GANC: variants seen among roughly 807,000 people sequenced by gnomAD.
GANC encodes the protein glucosidase alpha, neutral C.
A neutral mutation model predicts 124.2 loss-of-function variants in GANC; 117 were observed. The observed-to-expected ratio is 0.94, with a 90% CI of 0.81 to 1.10. The LOEUF is 1.10. Ranked by LOEUF, GANC falls within the 50% of genes least tolerant of loss-of-function variation. GANC has a pLI of 0.00. For missense variants in GANC, 1,140 were observed against 1,095.0 expected, an observed-to-expected ratio of 1.04 and a Z score of -0.58; for synonymous variants, 377 against 376.8, an observed-to-expected ratio of 1.00 and a Z score of -0.01.
intron 10 of GANC, among the ~76,000 whole-genome samples, chr15:42,321,560 A>G (rs189221882): frequency 6.6e-6 from 1 of 152,198 alleles, no homozygotes; most frequent in Non-Finnish European, 1.5e-5. Context: ...CACTAAACTG[A>G]TGCTTAACCT....
chr15:42,276,167 A>AT (rs2051669011), intron 1 of GANC, 181 bp from the exon 2 acceptor site: 3 of 458,188 alleles, frequency 6.5e-6, no homozygotes, highest in Non-Finnish European at 1.2e-5. Context: ...GGTTTACAAA[A>AT]GGCTATTGTT....
rs373506149 is a variant in GANC at position 42,330,646 on chromosome 15, C to G, written c.1715C>G (p.Ser572Cys). 1.3e-4 allele frequency: 206 copies of G among 1,607,984 alleles called. No individual in the cohort carries two copies. Among genetic ancestry groups the G allele is most frequent in the Non-Finnish European group, 1.7e-4 (200 of 1,178,444 alleles). Residue 572 changes from serine to cysteine, a missense_variant, in exon 15 of 24, where the codon TCT becomes TGT. Ser to Cys is a moderately radical substitution (Grantham distance 112). Coordinates refer to ENST00000318010, the MANE Select transcript of GANC (RefSeq NM_198141.3). ...GKERPFVLTRSFFAGSQKYGA... is the reference protein window; with the variant it reads ...GKERPFVLTRCFFAGSQKYGA... ...GAGAGACCCTTTGTTCTTACACGTT[C>G]TTTCTTTGCTGGATCACAAAAGTAT... is the stretch of plus-strand genomic sequence containing the variant.
At chr15:42,303,144 A>T (rs2051962263) in intron 6 of GANC, among the ~76,000 whole-genome samples, 2 of 152,262 alleles carry the variant, frequency 1.3e-5, no homozygotes, top group Non-Finnish European at 2.9e-5. Flanking sequence ...CCATCAGACT[A>T]ACACCGGATC....
chr15:42,305,187 G>A (rs1318606198), intron 6 of GANC, among the ~76,000 whole-genome samples: 7 of 152,068 alleles, frequency 4.6e-5, no homozygotes, highest in Non-Finnish European at 1.0e-4. Flanking sequence ...TACAGAATGG[G>A]AGAAAATTTT....
chr15:42,339,564 G>A, intron 16 of GANC, 105 bp from the exon 17 acceptor site: 1 of 1,320,794 alleles, frequency 7.6e-7, no homozygotes, highest in East Asian at 2.3e-5. Flanking sequence ...CATTTGAAGT[G>A]CATATACTGC....
rs372434267 is a variant in GANC, at chr15:42,349,374, A to C, written c.2419-9A>C. Reference sequence around the variant, plus strand: ...TAAGCACATTCTGTCTCTGTGATTCATTCTCCAGGGTTCTTCAGTGGGTGA... The same window carrying C: ...TAAGCACATTCTGTCTCTGTGATTCCTTCTCCAGGGTTCTTCAGTGGGTGA... On this transcript the variant is annotated splice_polypyrimidine_tract_variant and intron_variant, in intron 21 of 23. Coordinates refer to ENST00000318010, the MANE Select transcript of GANC (RefSeq NM_198141.3). 1.3e-6 allele frequency: 2 copies of C among 1,523,580 alleles called. No homozygotes were observed. The highest frequency in any genetic ancestry group is 2.7e-5 in the African/African-American group (2 of 73,034). 94.4% of individuals were successfully genotyped at this position (1,523,580 alleles called of 1,614,324 possible).
chr15:42,300,746 G>A (rs1399230740), intron 6 of GANC, among the ~76,000 whole-genome samples: 1 of 152,164 alleles, frequency 6.6e-6, no homozygotes, highest in African/African-American at 2.4e-5. Flanking sequence ...GGGACTGGGT[G>A]TGTGGCTCAT....
chr15:42,292,564 T>G (rs2051850037), intron 4 of GANC, among the ~76,000 whole-genome samples, 171 bp from the exon 5 acceptor site: 3 of 152,236 alleles, frequency 2.0e-5, no homozygotes, highest in African/African-American at 7.2e-5. Context: ...TATGCTCAAT[T>G]TAAGCTCTTT....
At chr15:42,294,793 T>TA (rs2051875226) in intron 5 of GANC, among the ~76,000 whole-genome samples, 1 of 151,394 alleles carries the variant, frequency 6.6e-6, no homozygotes, top group Non-Finnish European at 1.5e-5. Context: ...TGTATGGCTT[T>TA]ACCATGATTC....
chr15:42,346,215 T>A (rs375862864), intron 20 of GANC, among the ~76,000 whole-genome samples: 3 of 152,326 alleles, frequency 2.0e-5, no homozygotes, highest in African/African-American at 7.2e-5. Context: ...ATTCAGCATA[T>A]GAATTTGGGG....
chr15:42,303,681 A>AAAAAG (rs1555413352), intron 6 of GANC, among the ~76,000 whole-genome samples: 8 of 151,386 alleles, frequency 5.3e-5, no homozygotes, highest in Non-Finnish European at 1.2e-4. Context: ...AAAAAAAAAA[A>AAAAAG]AAAAGAAAGC....
intron 16 of GANC, 64 bp downstream of exon 16, chr15:42,338,554 G>T: frequency 8.5e-7 from 1 of 1,175,462 alleles, no homozygotes; most frequent in East Asian, 2.3e-5. Context: ...TTTCATCAAA[G>T]CTGGTTACAA....
rs8035827 is a variant in GANC, at chr15:42,292,680, T to C, written c.330-55T>C. On this transcript the variant is annotated intron_variant, in intron 4 of 23. Transcript: ENST00000318010. The stretch of plus-strand genomic sequence containing the variant: ...TAATTACTTGGAAGTACAAATCACA[T>C]AGGGCCATGTAAACCTATAGCAGCT... 2,962 of 1,516,720 alleles carry C rather than the reference T, an allele frequency of 2.0e-3. 57 individuals carry two copies. The African/African-American group carries it at 0.038, about 19-fold the overall frequency. 94.0% of individuals were successfully genotyped at this position (1,516,720 alleles called of 1,614,324 possible).
chr15:42,313,378 AAC>A (rs2052072076), intron 10 of GANC, among the ~76,000 whole-genome samples: 2 of 152,246 alleles, frequency 1.3e-5, no homozygotes, highest in Non-Finnish European at 2.9e-5. Flanking sequence ...AATGACAAGA[AAC>A]ACATGTTAGA....
At chr15:42,302,829 A>G (rs1360458017) in intron 6 of GANC, among the ~76,000 whole-genome samples, 2 of 152,164 alleles carry the variant, frequency 1.3e-5, no homozygotes, top group Non-Finnish European at 2.9e-5. Flanking sequence ...GGAATGAACA[A>G]AGCCTCCAAG....
chr15:42,316,935 G>A (rs1260951569), intron 10 of GANC, among the ~76,000 whole-genome samples: 2 of 152,064 alleles, frequency 1.3e-5, no homozygotes, highest in African/African-American at 4.8e-5. Flanking sequence ...GGTTATTCTA[G>A]GTTATATTAG....
At chr15:42,283,185 C>G (rs955827140) in intron 3 of GANC, among the ~76,000 whole-genome samples, 2 of 152,140 alleles carry the variant, frequency 1.3e-5, no homozygotes, top group African/African-American at 4.8e-5. Context: ...GTTGCAAGGT[C>G]GGAACGTCCA....
At chr15:42,304,066 C>T (rs532256133) in intron 6 of GANC, among the ~76,000 whole-genome samples, 17 of 152,232 alleles carry the variant, frequency 1.1e-4, no homozygotes, top group South Asian at 2.1e-4. Context: ...TTCTCAGCAC[C>T]GCATCGCACT....
chr15:42,353,589 T>C lies in GANC; in HGVS notation c.*1450T>C. 1 of 985,780 alleles carries C rather than the reference T, an allele frequency of 1.0e-6. No individual in the cohort carries two copies. Among genetic ancestry groups the C allele is most frequent in the Non-Finnish European group, 1.2e-6 (1 of 829,840 alleles). The allele number at this position is 985,780 out of a possible 1,614,324, so 61.1% of individuals were successfully genotyped here. ...TCTTCTGTCTGACAGAGCACTATTA[T>C]ACCTGACTTTCAGTAACTGTTAGCT... is the stretch of plus-strand genomic sequence containing the variant. On this transcript the variant is annotated 3_prime_UTR_variant, in exon 24 of 24. Transcript: ENST00000318010.
Sources: allele counts gnomAD v4.1 joint callset (sites outside exome capture counted in the v4.1 genomes callset), GRCh38; gene constraint gnomAD v4.1.1; transcripts MANE v1.5; gene names NCBI Gene and HGNC (gene_info 2026-07-23, HGNC 2026-07-21).